Variants in FHOD3 observed in about 807,000 individuals in gnomAD.
FHOD3 encodes the protein formin homology 2 domain containing 3.
Under a neutral mutation model 173.0 loss-of-function variants are expected in FHOD3, and 90 were observed. That is an observed-to-expected ratio of 0.52 (90% CI 0.44 to 0.62). FHOD3 has a LOEUF of 0.62. FHOD3 is among the 20% of genes least tolerant of loss of function. The probability of loss-of-function intolerance (pLI) is 0.00; values close to 1 mark genes in which losing one functional copy is unlikely to be tolerated. For missense variants in FHOD3, 1,945 were observed against 2,034.7 expected (o/e 0.96, Z 0.85); for synonymous variants, 828 against 823.0 (o/e 1.01, Z -0.10).
At chr18:36,467,445 C>A (rs2053010145) in intron 3 of FHOD3, among the ~76,000 whole-genome samples, 1 of 152,224 alleles carries the variant, frequency 6.6e-6, no homozygotes, top group East Asian at 1.9e-4. Context: ...CTTGTGGTTA[C>A]CCTAGAAGCT....
chr18:36,557,126 T>C (rs2057919075), intron 5 of FHOD3, among the ~76,000 whole-genome samples: 3 of 152,198 alleles, frequency 2.0e-5, no homozygotes, highest in African/African-American at 7.2e-5. Flanking sequence ...ATGAGCTGAA[T>C]TGATATGATT....
intron 1 of FHOD3, among the ~76,000 whole-genome samples, chr18:36,342,656 C>G (rs2045680537): frequency 6.6e-6 from 1 of 152,084 alleles, no homozygotes; most frequent in Non-Finnish European, 1.5e-5. Context: ...GCACAAAGAA[C>G]AAGAGAAAAT....
intron 6 of FHOD3, among the ~76,000 whole-genome samples, chr18:36,586,922 A>T (rs1322387548): frequency 2.6e-5 from 4 of 152,132 alleles, no homozygotes. Flanking sequence ...TCCCCAAAAA[A>T]GGGGGGTCTT....
At chr18:36,369,944 A>G (rs1331168270) in intron 2 of FHOD3, among the ~76,000 whole-genome samples, 1 of 152,160 alleles carries the variant, frequency 6.6e-6, no homozygotes, top group Non-Finnish European at 1.5e-5. Context: ...TTCTGTTTCC[A>G]CCAGCCCTGT....
chr18:36,567,473 G>A (rs2058305402), intron 5 of FHOD3, among the ~76,000 whole-genome samples: 1 of 152,186 alleles, frequency 6.6e-6, no homozygotes, highest in Non-Finnish European at 1.5e-5. Context: ...TTTGGAGTAA[G>A]ATGGAGTAAG....
chr18:36,507,115 A>G (rs1306878591), intron 4 of FHOD3, among the ~76,000 whole-genome samples: 2 of 152,186 alleles, frequency 1.3e-5, no homozygotes, highest in Admixed American at 1.3e-4. Flanking sequence ...TTTCCTGTTA[A>G]GTACTTATTT....
chr18:36,433,479 G>T (rs2050658987), intron 3 of FHOD3, among the ~76,000 whole-genome samples: 1 of 152,130 alleles, frequency 6.6e-6, no homozygotes, highest in Non-Finnish European at 1.5e-5. Flanking sequence ...GAAGAAAATA[G>T]GTTAACAAAT....
intron 25 of FHOD3, among the ~76,000 whole-genome samples, chr18:36,755,859 G>A (rs2042612944): frequency 1.3e-5 from 2 of 151,610 alleles, no homozygotes; most frequent in South Asian, 4.1e-4. Flanking sequence ...AGGACATCAG[G>A]GTGGAAAGAG....
chr18:36,708,030 A>G (rs1468402035), intron 17 of FHOD3, among the ~76,000 whole-genome samples: 1 of 152,188 alleles, frequency 6.6e-6, no homozygotes, highest in Non-Finnish European at 1.5e-5. Context: ...TCATTTTGCT[A>G]CACATCCACA....
At chr18:36,502,750 T>C (rs1218218753) in intron 4 of FHOD3, among the ~76,000 whole-genome samples, 1 of 152,188 alleles carries the variant, frequency 6.6e-6, no homozygotes, top group Admixed American at 6.5e-5. Flanking sequence ...ACCTGTGTTA[T>C]GCTCCCCCAT....
intron 17 of FHOD3, among the ~76,000 whole-genome samples, chr18:36,698,839 G>C (rs1227374546): frequency 1.3e-5 from 2 of 152,204 alleles, no homozygotes; most frequent in Non-Finnish European, 2.9e-5. Context: ...CCAAGCCTCA[G>C]TTCCCACAGG....
At chr18:36,766,554 G>A (rs567171858) in intron 27 of FHOD3, among the ~76,000 whole-genome samples, 127 of 152,296 alleles carry the variant, frequency 8.3e-4, no homozygotes, top group African/African-American at 3.0e-3. Flanking sequence ...AGGGTTCCAG[G>A]AAGAGGAATG....
At position 36,395,312 on chromosome 18, in the gene FHOD3, G is replaced by A. The variant is rs543811746; in HGVS notation, c.337+22568G>A. ...AGTCTGGGTGATAGAGTGAGACTCC[G>A]TCTCAAAAAAAAAAAAAATCTATAT... On this transcript the variant is annotated intron_variant, in intron 3 of 28. Transcript: ENST00000590592. Among the ~76,000 whole-genome samples, 198 of 108,114 alleles carry A rather than the reference G, an allele frequency of 1.8e-3. 2 individuals carry two copies. The highest frequency in any genetic ancestry group is 6.4e-3 in the African/African-American group (180 of 28,108). The allele number at this position is 108,114 out of a possible 152,430, so 70.9% of individuals were successfully genotyped here.
At chr18:36,521,300 C>T (rs2056260842) in intron 5 of FHOD3, among the ~76,000 whole-genome samples, 1 of 152,150 alleles carries the variant, frequency 6.6e-6, no homozygotes, top group Non-Finnish European at 1.5e-5. Context: ...TCTCCAATGC[C>T]TCAGGCCTGT....
chr18:36,540,148 G>A (rs1473261304), intron 5 of FHOD3, among the ~76,000 whole-genome samples: 1 of 152,168 alleles, frequency 6.6e-6, no homozygotes, highest in Non-Finnish European at 1.5e-5. Flanking sequence ...GCCTTTAAGA[G>A]GGGAAAATTC....
At chr18:36,667,267 G>A (rs953764335) in intron 14 of FHOD3, among the ~76,000 whole-genome samples, 2 of 152,012 alleles carry the variant, frequency 1.3e-5, no homozygotes, top group Non-Finnish European at 2.9e-5. Context: ...GCAGTGTTGG[G>A]CAATTTTGCT....
intron 1 of FHOD3, among the ~76,000 whole-genome samples, chr18:36,343,958 G>A (rs1568148950): frequency 6.6e-6 from 1 of 152,112 alleles, no homozygotes; most frequent in African/African-American, 2.4e-5. Flanking sequence ...ACTGCTAATG[G>A]GTTTGTGGTT....
intron 5 of FHOD3, among the ~76,000 whole-genome samples, chr18:36,545,272 C>A (rs1464353723): frequency 2.6e-5 from 4 of 152,086 alleles, no homozygotes; most frequent in Non-Finnish European, 4.4e-5. Context: ...AGATGATAGA[C>A]AAGGAACAAT....
intron 3 of FHOD3, among the ~76,000 whole-genome samples, chr18:36,409,074 T>C (rs2049214420): frequency 1.3e-5 from 2 of 152,268 alleles, no homozygotes; most frequent in East Asian, 3.9e-4. Flanking sequence ...GGACCAGTGC[T>C]TCTCACCGGG....
Sources: gnomAD v4.1 joint callset for allele counts (sites outside exome capture counted in the v4.1 genomes callset) on GRCh38, gnomAD v4.1.1 for gene constraint, MANE v1.5 for transcripts, NCBI Gene and HGNC (gene_info 2026-07-23, HGNC 2026-07-21) for gene names.